The following DDO variants were observed in gnomAD, a reference collection of about 807,000 sequenced individuals.
DDO encodes D-aspartate oxidase.
A neutral mutation model predicts 16.8 loss-of-function variants in DDO; 16 were observed. The ratio of observed to expected loss-of-function variants is 0.95; its 90% CI spans 0.65 to 1.45. DDO has a LOEUF of 1.45. Among genes scored for constraint, DDO ranks in the 40% most tolerant of loss-of-function variants. The pLI is 0.00. For synonymous variants in DDO, 180 were observed against 167.2 expected, an observed-to-expected ratio of 1.08 and a Z score of -0.59; for missense variants, 429 against 420.3, an observed-to-expected ratio of 1.02 and a Z score of -0.18.
At chr6:110,413,530 T>C in intron 1 of DDO, 64 bp from the exon 2 acceptor site, 1 of 1,562,942 alleles carries the variant, frequency 6.4e-7, no homozygotes. Context: ...AGACAAAGTT[T>C]GGTCTTGACA....
chr6:110,414,465 T>C (rs1773975519), intron 1 of DDO, among the ~76,000 whole-genome samples: 1 of 152,226 alleles, frequency 6.6e-6, no homozygotes, highest in Admixed American at 6.5e-5. Context: ...AGGGGGCTCC[T>C]TGGGAGAGTC....
At chr6:110,405,911 G>T (rs72613254) in intron 3 of DDO, among the ~76,000 whole-genome samples, 1 of 151,700 alleles carries the variant, frequency 6.6e-6, no homozygotes, top group Non-Finnish European at 1.5e-5. Flanking sequence ...AAAAAAAAAA[G>T]TTATAAATCA....
rs535667937 is a variant in DDO, at chr6:110,414,445, G to A, written c.-4-979C>T. Among the ~76,000 whole-genome samples, 51 of 152,312 alleles carry A rather than the reference G, an allele frequency of 3.3e-4. 1 individual carries two copies. The South Asian group carries it at 7.5e-3, about 22-fold the overall frequency. ...GTAAATAAGAGAGACCCAGTGAGGC[G>A]GTCTCATAAAGGGGGCTCCTTGGGA... is the stretch of plus-strand genomic sequence containing the variant. On this transcript the variant is annotated intron_variant, in intron 1 of 4. Coordinates refer to ENST00000368924, the MANE Select transcript of DDO (RefSeq NM_001372108.2).
intron 4 of DDO, among the ~76,000 whole-genome samples, chr6:110,402,056 C>A (rs1329884245): frequency 1.3e-5 from 2 of 152,184 alleles, no homozygotes; most frequent in African/African-American, 4.8e-5. Context: ...CAAACCCCAA[C>A]TGAGGGACAT....
At position 110,393,366 on chromosome 6, in the gene DDO, G is replaced by A. The variant is rs758585159; in HGVS notation, c.459-24C>T. 7 of 1,546,864 alleles carry A rather than the reference G, an allele frequency of 4.5e-6. No individual in the cohort carries two copies. The South Asian group carries it at 4.8e-5, about 11-fold the overall frequency. On this transcript the variant is annotated intron_variant, in intron 4 of 4. Transcript: ENST00000368924. ...TCCTACGGAAGAGAGGCCATGAAGTGAATATTTGTTAGCGACCTGATCAAC... is the reference window on the plus strand; with the variant it reads ...TCCTACGGAAGAGAGGCCATGAAGTAAATATTTGTTAGCGACCTGATCAAC...
Position 110,392,491 on chromosome 6 carries a change from T to G in DDO, c.*284A>C. The G allele has an allele frequency of 8.9e-7, 1 of 1,120,844 alleles. No homozygotes were observed. The highest frequency in any genetic ancestry group is 1.1e-6 in the Non-Finnish European group (1 of 918,562). The allele number at this position is 1,120,844 out of a possible 1,614,324, so 69.4% of individuals were successfully genotyped here. On this transcript the variant is annotated 3_prime_UTR_variant, in exon 5 of 5. Coordinates refer to ENST00000368924, the MANE Select transcript of DDO (RefSeq NM_001372108.2). ...TAAGTAAGCCTACATGTTGCATCATTTCTTTTGTTGTTGGTGTTTTTTTTA... is the reference window on the plus strand; with the variant it reads ...TAAGTAAGCCTACATGTTGCATCATGTCTTTTGTTGTTGGTGTTTTTTTTA...
chr6:110,408,002 G>A (rs971151096), intron 3 of DDO, among the ~76,000 whole-genome samples: 15 of 152,238 alleles, frequency 9.9e-5, no homozygotes, highest in African/African-American at 3.6e-4. Flanking sequence ...TCCATCGGCT[G>A]TACCATCCCC....
intron 2 of DDO, among the ~76,000 whole-genome samples, chr6:110,411,112 C>G (rs1338397521): frequency 1.3e-5 from 2 of 152,160 alleles, no homozygotes; most frequent in Admixed American, 1.3e-4. Flanking sequence ...GGGCCTTCAT[C>G]TTCCCCAGGC....
chr6:110,397,977 A>G (rs7740028), intron 4 of DDO, among the ~76,000 whole-genome samples: 73,456 of 151,996 alleles, frequency 0.48, 18,239 homozygotes, highest in African/African-American at 0.58. Context: ...TTTTATGACC[A>G]TATGAGGTAG....
intron 4 of DDO, among the ~76,000 whole-genome samples, chr6:110,398,383 TACACACACAC>T (rs372325600): frequency 1.0e-3 from 110 of 110,274 alleles, no homozygotes; most frequent in African/African-American, 4.1e-3. Flanking sequence ...CTTAAATGCG[TACACACACAC>T]ACACACACAC....
At chr6:110,414,074 A>G (rs564939087) in intron 1 of DDO, among the ~76,000 whole-genome samples, 1 of 152,276 alleles carries the variant, frequency 6.6e-6, no homozygotes, top group Admixed American at 6.5e-5. Flanking sequence ...GCCCGGCTTC[A>G]TCCCCCTTTC....
intron 4 of DDO, among the ~76,000 whole-genome samples, chr6:110,398,800 G>A (rs1268286483): frequency 6.6e-6 from 1 of 152,216 alleles, no homozygotes; most frequent in African/African-American, 2.4e-5. Flanking sequence ...CAGAGGAGGG[G>A]CGAGGAAAGT....
chr6:110,412,412 T>A (rs1286792392), intron 2 of DDO, among the ~76,000 whole-genome samples: 1 of 152,234 alleles, frequency 6.6e-6, no homozygotes, highest in Non-Finnish European at 1.5e-5. Flanking sequence ...TAGTCATTAC[T>A]GTTATCAGTG....
At chr6:110,398,231 C>T (rs958806953) in intron 4 of DDO, among the ~76,000 whole-genome samples, 1 of 152,278 alleles carries the variant, frequency 6.6e-6, no homozygotes, top group African/African-American at 2.4e-5. Context: ...AGTTAGCCCT[C>T]TGCTGGACTG....
At chr6:110,396,354 G>C (rs1773290793) in intron 4 of DDO, among the ~76,000 whole-genome samples, 1 of 152,192 alleles carries the variant, frequency 6.6e-6, no homozygotes, top group Non-Finnish European at 1.5e-5. Context: ...ACAAGTATTT[G>C]TTGAGGGCTT....
intron 4 of DDO, among the ~76,000 whole-genome samples, chr6:110,395,435 C>T (rs1172115912): frequency 6.6e-5 from 10 of 151,442 alleles, no homozygotes; most frequent in Middle Eastern, 3.4e-3. Flanking sequence ...CTCACCCTGC[C>T]GATCTTACAC....
chr6:110,393,262 A>G lies in DDO; in HGVS notation c.539T>C (p.Val180Ala). Residue 180 changes from valine to alanine, a missense_variant, in exon 5 of 5, where the codon GTC becomes GCC. Physicochemically the swap from Val to Ala is moderately conservative, Grantham distance 64. Transcript: ENST00000368924. ...WELHPSFDIV[V>A]NCSGLGSRQL... is the part of the protein sequence containing the mutation. ...TCTGCTTCCAAGGCCTGAACAGTTG[A>G]CCACGATGTCAAAGGACGGATGAAG... 6.2e-7 allele frequency: 1 copy of G among 1,614,052 alleles called. No homozygotes were observed. Among genetic ancestry groups the G allele is most frequent in the Non-Finnish European group, 8.5e-7 (1 of 1,179,928 alleles).
chr6:110,389,222 A>C (rs868483074), downstream of DDO, among the ~76,000 whole-genome samples: 1 of 152,326 alleles, frequency 6.6e-6, no homozygotes, highest in African/African-American at 2.4e-5. Flanking sequence ...GGATTTCAGC[A>C]CTGTGGCCTT....
At chr6:110,393,671 G>A (rs946815394) in intron 4 of DDO, among the ~76,000 whole-genome samples, 19 of 152,172 alleles carry the variant, frequency 1.2e-4, no homozygotes, top group African/African-American at 4.6e-4. Context: ...TATTTTAAAT[G>A]TCCAAGCATT....
Sources: allele counts gnomAD v4.1 joint callset (sites outside exome capture counted in the v4.1 genomes callset), GRCh38; gene constraint gnomAD v4.1.1; transcripts MANE v1.5; gene names NCBI Gene and HGNC (gene_info 2026-07-23, HGNC 2026-07-21).